The following LPP variants were observed in gnomAD, a reference collection of about 807,000 sequenced individuals.
The protein encoded by LPP is lipoma-preferred partner.
LPP carries 38 observed loss-of-function variants against 60.4 expected under a neutral mutation model. The observed-to-expected ratio is 0.63, with a 90% CI of 0.49 to 0.83. LPP has a LOEUF of 0.83. Among genes scored for constraint, LPP ranks in the 40% least tolerant of loss-of-function variants. LPP has a pLI of 0.00. For missense variants in LPP, 902 were observed against 783.6 expected (o/e 1.15, Z -1.80); for synonymous variants, 328 against 290.8 (o/e 1.13, Z -1.30).
intron 2 of LPP, among the ~76,000 whole-genome samples, chr3:188,241,035 T>G (rs1724475909): frequency 6.6e-6 from 1 of 152,254 alleles, no homozygotes; most frequent in African/African-American, 2.4e-5. Flanking sequence ...ATTTTAGAGG[T>G]AGCAAGACAG....
At chr3:188,246,638 G>A (rs1727048337) in intron 2 of LPP, among the ~76,000 whole-genome samples, 1 of 152,152 alleles carries the variant, frequency 6.6e-6, no homozygotes, top group Non-Finnish European at 1.5e-5. Flanking sequence ...GTGAAAGCCT[G>A]TGAGTCCCCC....
chr3:188,347,142 G>A (rs1578233947), intron 3 of LPP, among the ~76,000 whole-genome samples: 2 of 151,972 alleles, frequency 1.3e-5, no homozygotes, highest in Admixed American at 1.3e-4. Context: ...ATTTAAATCC[G>A]GATTTACTCC....
chr3:188,370,820 T>C (rs1039662252), intron 3 of LPP, among the ~76,000 whole-genome samples: 5 of 152,222 alleles, frequency 3.3e-5, no homozygotes, highest in African/African-American at 1.2e-4. Flanking sequence ...GCTCTTTCAC[T>C]TTCTACATGG....
At chr3:188,250,762 C>CTTTA (rs1222594760) in intron 2 of LPP, among the ~76,000 whole-genome samples, 4 of 116,996 alleles carry the variant, frequency 3.4e-5, no homozygotes, top group African/African-American at 1.6e-4. Flanking sequence ...TTCTTTCTTT[C>CTTTA]TTTCTTTCTT....
At chr3:188,800,134 C>G (rs1746584783) in intron 9 of LPP, among the ~76,000 whole-genome samples, 1 of 148,152 alleles carries the variant, frequency 6.7e-6, no homozygotes, top group African/African-American at 2.5e-5. Flanking sequence ...AACCGTAACT[C>G]CCTTAGTCAT....
intron 2 of LPP, among the ~76,000 whole-genome samples, chr3:188,295,163 T>C (rs1044077321): frequency 6.6e-5 from 10 of 152,308 alleles, no homozygotes; most frequent in Non-Finnish European, 1.3e-4. Flanking sequence ...TTTGATTAAG[T>C]ATCCGGTGAA....
chr3:188,418,230 TC>T (rs1786857650), intron 4 of LPP, among the ~76,000 whole-genome samples: 1 of 152,166 alleles, frequency 6.6e-6, no homozygotes, highest in South Asian at 2.1e-4. Context: ...AATTTTAGTA[TC>T]TTCCCTTAAG....
intron 5 of LPP, among the ~76,000 whole-genome samples, chr3:188,521,622 C>T (rs554586730): frequency 1.3e-5 from 2 of 152,272 alleles, no homozygotes; most frequent in African/African-American, 4.8e-5. Flanking sequence ...TTTATAGTTA[C>T]TGGTTGCTAT....
rs79544031 is a variant in LPP at position 188,640,785 on chromosome 3, C to G, written c.1113+30941C>G. Among the ~76,000 whole-genome samples, 14 of 152,064 alleles carry G rather than the reference C, an allele frequency of 9.2e-5. No homozygotes were observed. In the East Asian group the frequency reaches 2.7e-3, roughly 29 times the overall value. On this transcript the variant is annotated intron_variant, in intron 7 of 11. Transcript: ENST00000617246. ...TGGCCACTGGAGAAAAAGCTCTGAC[C>G]TCAAGCCAAAGAGCAATCTGTCTAC...
At chr3:188,573,225 A>AAG (rs1168634010) in intron 6 of LPP, among the ~76,000 whole-genome samples, 5 of 152,122 alleles carry the variant, frequency 3.3e-5, no homozygotes, top group African/African-American at 1.2e-4. Context: ...ACCTGCACAG[A>AAG]AGAGACAGAG....
At chr3:188,329,528 C>A (rs1355294902) in intron 2 of LPP, among the ~76,000 whole-genome samples, 2 of 151,752 alleles carry the variant, frequency 1.3e-5, no homozygotes, top group Admixed American at 1.3e-4. Flanking sequence ...GAGCTTTCAG[C>A]GTCCTGTCTG....
At chr3:188,414,754 A>C (rs1344815538) in intron 4 of LPP, among the ~76,000 whole-genome samples, 2 of 152,158 alleles carry the variant, frequency 1.3e-5, no homozygotes, top group African/African-American at 4.8e-5. Context: ...AAATTCTTGA[A>C]TGCAGGCAAC....
chr3:188,670,545 C>G (rs1296870541), intron 7 of LPP, among the ~76,000 whole-genome samples: 1 of 151,778 alleles, frequency 6.6e-6, no homozygotes, highest in East Asian at 1.9e-4. Flanking sequence ...AAGGCTATCT[C>G]AGGCCAGAAG....
intron 7 of LPP, among the ~76,000 whole-genome samples, chr3:188,643,303 C>T (rs745344583): frequency 1.6e-4 from 24 of 152,084 alleles, no homozygotes; most frequent in African/African-American, 2.4e-4. Context: ...TATTTATAGA[C>T]GAGTAAAATG....
intron 9 of LPP, among the ~76,000 whole-genome samples, chr3:188,824,256 G>A (rs1162960878): frequency 6.6e-6 from 1 of 152,184 alleles, no homozygotes; most frequent in Non-Finnish European, 1.5e-5. Flanking sequence ...GAAGTAGAAT[G>A]TAGAATGCGG....
chr3:188,764,467 G>T (rs1322650744), intron 9 of LPP, among the ~76,000 whole-genome samples: 1 of 151,830 alleles, frequency 6.6e-6, no homozygotes, highest in Admixed American at 6.6e-5. Flanking sequence ...TCTAAATCTG[G>T]GGCAATTTCT....
At chr3:188,311,471 TCTAAA>T (rs56278922) in intron 2 of LPP, among the ~76,000 whole-genome samples, 36,269 of 141,828 alleles carry the variant, frequency 0.26, 4,780 homozygotes, top group Middle Eastern at 0.39. Flanking sequence ...AGACCCTATC[TCTAAA>T]CTAAACTAAA....
chr3:188,593,915 G>C (rs928216457), intron 6 of LPP, among the ~76,000 whole-genome samples: 1 of 152,164 alleles, frequency 6.6e-6, no homozygotes, highest in African/African-American at 2.4e-5. Flanking sequence ...ACGTGTGCAA[G>C]TATCATTTTC....
At position 188,475,772 on chromosome 3, in the gene LPP, G is replaced by A. The variant is rs187790853; in HGVS notation, c.194-8820G>A. Among the ~76,000 whole-genome samples, 7 of 152,148 alleles carry A rather than the reference G, an allele frequency of 4.6e-5. No homozygotes were observed. In the East Asian group the frequency reaches 1.4e-3, roughly 29 times the overall value. ...AAAAAAATTAGCCGGGCGTGGTGGCGGGCGCCTGTAGTCCCAGCTACTCGG... is the reference window on the plus strand; with the variant it reads ...AAAAAAATTAGCCGGGCGTGGTGGCAGGCGCCTGTAGTCCCAGCTACTCGG... On this transcript the variant is annotated intron_variant, in intron 4 of 11. Coordinates refer to ENST00000617246, the MANE Select transcript of LPP (RefSeq NM_001375462.1).
Sources: gnomAD v4.1 joint callset for allele counts (sites outside exome capture counted in the v4.1 genomes callset) on GRCh38, gnomAD v4.1.1 for gene constraint, MANE v1.5 for transcripts, NCBI Gene and HGNC (gene_info 2026-07-23, HGNC 2026-07-21) for gene names.